The following SEC14L5 variants were observed in gnomAD, a reference collection of about 807,000 sequenced individuals.
SEC14L5 encodes SEC14 like lipid binding 5.
A neutral mutation model predicts 84.6 loss-of-function variants in SEC14L5; 96 were observed. The ratio of observed to expected loss-of-function variants is 1.13; its 90% CI spans 0.96 to 1.34. The LOEUF is 1.34. SEC14L5 is among the 40% of genes most tolerant of loss of function. The probability of loss-of-function intolerance (pLI) is 0.00; values close to 1 mark genes in which losing one functional copy is unlikely to be tolerated. For synonymous variants in SEC14L5, 546 were observed against 383.4 expected (o/e 1.42, Z -4.95); for missense variants, 1,224 against 942.5 (o/e 1.30, Z -3.91).
At chr16:5,003,686 T>A in intron 11 of SEC14L5, 113 bp downstream of exon 11, 1 of 729,008 alleles carries the variant, frequency 1.4e-6, no homozygotes, top group Non-Finnish European at 2.2e-6. Flanking sequence ...TAGTAACTTT[T>A]TGGAGATGAA....
intron 6 of SEC14L5, 109 bp downstream of exon 6, chr16:4,992,139 G>C (rs1336897967): frequency 4.0e-6 from 3 of 746,318 alleles, no homozygotes; most frequent in Non-Finnish European, 6.3e-6. Context: ...GTCCCCCCTG[G>C]GAATGGGTCT....
At chr16:4,991,296 A>C (rs1568129255) in intron 5 of SEC14L5, among the ~76,000 whole-genome samples, 1 of 151,742 alleles carries the variant, frequency 6.6e-6, no homozygotes, top group Non-Finnish European at 1.5e-5. Context: ...ATTTTTAAAC[A>C]ATGTGTTATC....
intron 15 of SEC14L5, among the ~76,000 whole-genome samples, chr16:5,012,608 G>A (rs1354887724): frequency 1.3e-5 from 2 of 152,230 alleles, no homozygotes; most frequent in African/African-American, 4.8e-5. Flanking sequence ...CACACTGTGA[G>A]AAAGAACTAC....
At chr16:4,983,289 C>T (rs1955445749) in intron 2 of SEC14L5, among the ~76,000 whole-genome samples, 1 of 151,980 alleles carries the variant, frequency 6.6e-6, no homozygotes, top group African/African-American at 2.4e-5. Context: ...GTTGGGATTA[C>T]AGGCATGAGC....
At chr16:4,981,967 C>T (rs759225573) in intron 2 of SEC14L5, among the ~76,000 whole-genome samples, 15 of 152,188 alleles carry the variant, frequency 9.9e-5, no homozygotes, top group Non-Finnish European at 1.8e-4. Context: ...AGGGCAGACA[C>T]AGTTCTCAGG....
intron 2 of SEC14L5, among the ~76,000 whole-genome samples, chr16:4,965,370 C>A (rs975535109): frequency 6.6e-6 from 1 of 152,076 alleles, no homozygotes; most frequent in Non-Finnish European, 1.5e-5. Flanking sequence ...CCAAATAAAT[C>A]TCTGTTGTTG....
At chr16:4,997,192 G>A (rs569851908) in intron 8 of SEC14L5, 148 bp downstream of exon 8, 21 of 548,624 alleles carry the variant, frequency 3.8e-5, no homozygotes, top group South Asian at 3.7e-4. Context: ...TCCGCTTCCC[G>A]GGTTCAAGCA....
In SEC14L5 at chr16:4,990,880, C is replaced by A. The variant is rs377449115; in HGVS notation, c.459C>A (p.Thr153=). ...ALEKIAMKQY[T]ANVKRGKEVI... ...AGAAGATCGCCATGAAGCAGTACAC[C>A]GCCAACGTCAAGAGGGTAAGCGGTG... The change falls in exon 5 of 16, where the codon ACC becomes ACA. Residue 153 remains threonine (T), a synonymous_variant. Transcript: ENST00000251170. 6.2e-7 allele frequency: 1 copy of A among 1,602,078 alleles called. No individual in the cohort carries two copies. Among genetic ancestry groups the A allele is most frequent in the South Asian group, 1.1e-5 (1 of 89,166 alleles).
intron 2 of SEC14L5, among the ~76,000 whole-genome samples, chr16:4,978,137 G>A (rs560879282): frequency 3.4e-5 from 4 of 118,698 alleles, no homozygotes; most frequent in East Asian, 2.6e-4. Context: ...GATCTTGGCC[G>A]GGCGCGGTGG....
At chr16:4,991,802 C>G in intron 5 of SEC14L5, 36 bp from the exon 6 acceptor site, 1 of 1,489,696 alleles carries the variant, frequency 6.7e-7, no homozygotes, top group Non-Finnish European at 9.1e-7. Context: ...CCATCCTGCC[C>G]CGTGCTCATG....
At chr16:4,983,060 T>C (rs761696185) in intron 2 of SEC14L5, among the ~76,000 whole-genome samples, 3 of 152,194 alleles carry the variant, frequency 2.0e-5, no homozygotes, top group Non-Finnish European at 4.4e-5. Context: ...TGGAGTTCAG[T>C]GGCACGATCT....
intron 2 of SEC14L5, among the ~76,000 whole-genome samples, chr16:4,966,841 G>A (rs984836615): frequency 6.6e-6 from 1 of 152,198 alleles, no homozygotes; most frequent in Non-Finnish European, 1.5e-5. Context: ...TGGTCCCAGC[G>A]GAGGCAGTTA....
chr16:4,966,520 C>A (rs147531161), intron 2 of SEC14L5, among the ~76,000 whole-genome samples: 57 of 152,082 alleles, frequency 3.7e-4, no homozygotes, highest in African/African-American at 1.3e-3. Context: ...GGTAATCACC[C>A]GACTTAGCCT....
chr16:4,982,546 A>G (rs1955437453), intron 2 of SEC14L5, among the ~76,000 whole-genome samples: 1 of 152,156 alleles, frequency 6.6e-6, no homozygotes, highest in Non-Finnish European at 1.5e-5. Flanking sequence ...CACAGAAGCA[A>G]GCAGCCCCAG....
chr16:5,005,862 TCA>T, intron 11 of SEC14L5, 50 bp from the exon 12 acceptor site: 1 of 722,640 alleles, frequency 1.4e-6, no homozygotes, highest in Non-Finnish European at 1.9e-6. Flanking sequence ...AGACTCCGTC[TCA>T]AAAAAAAAAA....
At chr16:4,961,117 A>C (rs1051154145) in intron 2 of SEC14L5, among the ~76,000 whole-genome samples, 3 of 152,136 alleles carry the variant, frequency 2.0e-5, no homozygotes, top group African/African-American at 7.2e-5. Context: ...TAAAAATACA[A>C]GAAAAATTAG....
chr16:5,013,819 A>C (rs1955836745), intron 15 of SEC14L5, among the ~76,000 whole-genome samples: 1 of 151,960 alleles, frequency 6.6e-6, no homozygotes, highest in South Asian at 2.1e-4. Flanking sequence ...CGGCCTCCCA[A>C]AGGGCTGGGA....
At chr16:5,003,621 T>A in intron 11 of SEC14L5, 48 bp downstream of exon 11, 1 of 133,456 alleles carries the variant, frequency 7.5e-6, no homozygotes, top group Non-Finnish European at 1.5e-5. Flanking sequence ...GTGGGTGGGA[T>A]GGGAGGGGTT....
Position 5,018,305 on chromosome 16 carries a change from C to G in SEC14L5, c.*3335C>G, listed in dbSNP as rs1441441704. 6.6e-6 allele frequency: 1 copy of G among 152,220 alleles called. No homozygotes were observed. The highest frequency in any genetic ancestry group is 2.4e-5 in the African/African-American group (1 of 41,448). 9.4% of individuals were successfully genotyped at this position (152,220 alleles called of 1,614,324 possible). Reference sequence around the variant, plus strand: ...CCTATCCCTGTTTTTCGTTATTGCACCCAGAGAAAAGTAGGTGTCAAGAAT... The same window carrying G: ...CCTATCCCTGTTTTTCGTTATTGCAGCCAGAGAAAAGTAGGTGTCAAGAAT... On this transcript the variant is annotated 3_prime_UTR_variant, in exon 16 of 16. Transcript: ENST00000251170.
Sources: gnomAD v4.1 joint callset for allele counts (sites outside exome capture counted in the v4.1 genomes callset) on GRCh38, gnomAD v4.1.1 for gene constraint, MANE v1.5 for transcripts, NCBI Gene and HGNC (gene_info 2026-07-23, HGNC 2026-07-21) for gene names.